RNF216: variants seen among roughly 807,000 people sequenced by gnomAD.
RNF216 encodes the protein E3 ubiquitin-protein ligase RNF216.
In RNF216, 72 loss-of-function variants were observed where a neutral mutation model predicts 110.8. The observed-to-expected ratio is 0.65, with a 90% CI of 0.54 to 0.79. The LOEUF (loss-of-function observed/expected upper bound fraction) is 0.79, where lower values mean the gene tolerates loss of function less well. RNF216 is among the 30% of genes least tolerant of loss of function. The probability of loss-of-function intolerance (pLI) is 0.00; values close to 1 mark genes in which losing one functional copy is unlikely to be tolerated. For synonymous variants in RNF216, 495 were observed against 407.5 expected (o/e 1.21, Z -2.59); for missense variants, 1,342 against 1,141.2 (o/e 1.18, Z -2.54).
chr7:5,718,066 T>G (rs1239086349), intron 9 of RNF216, among the ~76,000 whole-genome samples: 1 of 152,172 alleles, frequency 6.6e-6, no homozygotes, highest in Non-Finnish European at 1.5e-5. Context: ...AACCAAAGAC[T>G]AACAATAATG....
chr7:5,691,029 CCT>C (rs879681117), intron 13 of RNF216, among the ~76,000 whole-genome samples: 5 of 152,198 alleles, frequency 3.3e-5, no homozygotes, highest in Admixed American at 3.3e-4. Flanking sequence ...ACCTTTTCTG[CCT>C]GTCGTCTCTT....
rs1794040852 is a variant in RNF216, at chr7:5,730,779, TTTGGA to T, written c.1155_1159del (p.Tyr385Ter). ...ATTTATAATGATTCTGTCTTCTCTC[TTTGGA>T]TAATCTGGGTTTTCCAGAAGAAAAT... is the stretch of plus-strand genomic sequence containing the variant. On this transcript the variant is annotated stop_gained and frameshift_variant, in exon 6 of 17. Transcript: ENST00000389902. LOFTEE classifies it high-confidence loss of function. The T allele has an allele frequency of 6.2e-7, 1 of 1,609,082 alleles. No homozygotes were observed. The highest frequency in any genetic ancestry group is 1.3e-5 in the African/African-American group (1 of 74,252).
At chr7:5,720,283 C>T (rs1201233104) in intron 9 of RNF216, among the ~76,000 whole-genome samples, 1 of 152,216 alleles carries the variant, frequency 6.6e-6, no homozygotes, top group Non-Finnish European at 1.5e-5. Flanking sequence ...CCTCAGCCTA[C>T]TCAACGTGAA....
chr7:5,625,014 A>G lies in RNF216; in HGVS notation c.2383-889T>C, dbSNP rs148467294. ...TCAGTGACCCACAAAACAGCTGTGC[A>G]GTTTGTGGGACTGAAAGACGATTAA... On this transcript the variant is annotated intron_variant, in intron 15 of 16. Transcript: ENST00000389902. Among the ~76,000 whole-genome samples, 64 of 152,350 alleles carry G rather than the reference A, an allele frequency of 4.2e-4. 5 individuals carry two copies. In the East Asian group the frequency reaches 0.012, roughly 28 times the overall value.
intron 13 of RNF216, among the ~76,000 whole-genome samples, chr7:5,664,308 A>G (rs926376724): frequency 6.6e-6 from 1 of 152,230 alleles, no homozygotes; most frequent in Non-Finnish European, 1.5e-5. Flanking sequence ...TTAATTCATT[A>G]CAGCTTCAGC....
At position 5,740,847 on chromosome 7, in the gene RNF216, G is replaced by A. The variant is rs1794711589; in HGVS notation, c.1044+126C>T. 4.8e-6 allele frequency: 4 copies of A among 838,838 alleles called. No individual in the cohort carries two copies. In the African/African-American group the frequency reaches 5.3e-5, roughly 11 times the overall value. The allele number at this position is 838,838 out of a possible 1,614,324, so 52.0% of individuals were successfully genotyped here. A position where few individuals can be genotyped will look rare whatever the true frequency, so the allele number is the denominator to read the frequency against. On this transcript the variant is annotated intron_variant, in intron 4 of 16. Transcript: ENST00000389902. The stretch of plus-strand genomic sequence containing the variant: ...GTGTCTCTTCTATTCTGTACATCTA[G>A]ATATATACTTCTTAGGAAAATGAAG...
intron 1 of RNF216, among the ~76,000 whole-genome samples, chr7:5,777,115 A>G (rs1796829314): frequency 6.6e-6 from 1 of 152,124 alleles, no homozygotes; most frequent in African/African-American, 2.4e-5. Flanking sequence ...GGAGGGAAAG[A>G]GCCAGTGGAG....
intron 5 of RNF216, among the ~76,000 whole-genome samples, chr7:5,738,378 A>G (rs1291339967): frequency 6.6e-5 from 10 of 152,028 alleles, no homozygotes; most frequent in Admixed American, 5.9e-4. Flanking sequence ...GGTGTGAACC[A>G]TATGTCTGGC....
intron 13 of RNF216, among the ~76,000 whole-genome samples, chr7:5,687,496 AC>A (rs1791070737): frequency 6.6e-6 from 1 of 152,148 alleles, no homozygotes; most frequent in South Asian, 2.1e-4. Flanking sequence ...ACTCACATCT[AC>A]TTTTGGACAA....
At chr7:5,689,530 G>A (rs1320719896) in intron 13 of RNF216, among the ~76,000 whole-genome samples, 1 of 152,028 alleles carries the variant, frequency 6.6e-6, no homozygotes, top group Non-Finnish European at 1.5e-5. Flanking sequence ...AAAACCCTAG[G>A]CTTGTAGTCA....
chr7:5,665,761 T>C (rs1470236082), intron 13 of RNF216, among the ~76,000 whole-genome samples: 2 of 152,100 alleles, frequency 1.3e-5, no homozygotes, highest in Admixed American at 1.3e-4. Flanking sequence ...CCAATTCCCT[T>C]AGTTACTCAA....
chr7:5,709,596 T>C (rs2071507180), intron 13 of RNF216, among the ~76,000 whole-genome samples: 1 of 152,162 alleles, frequency 6.6e-6, no homozygotes, highest in South Asian at 2.1e-4. Flanking sequence ...TACCTTCAAG[T>C]TCAGCAGGCC....
intron 13 of RNF216, among the ~76,000 whole-genome samples, chr7:5,689,841 G>A (rs564318069): frequency 1.3e-5 from 2 of 152,028 alleles, no homozygotes; most frequent in African/African-American, 4.8e-5. Context: ...TTGGGAGGCT[G>A]AGGCAGGAGA....
chr7:5,742,994 G>A (rs2128655543), intron 3 of RNF216, among the ~76,000 whole-genome samples: 1 of 152,274 alleles, frequency 6.6e-6, no homozygotes, highest in African/African-American at 2.4e-5. Flanking sequence ...CAGGCGTGGT[G>A]GCTCATGCCT....
At chr7:5,776,368 G>A (rs1210667596) in intron 1 of RNF216, among the ~76,000 whole-genome samples, 1 of 151,616 alleles carries the variant, frequency 6.6e-6, no homozygotes, top group Admixed American at 6.6e-5. Flanking sequence ...CGGATCACGA[G>A]GTCAGGAGAC....
chr7:5,671,497 G>C (rs1789907385), intron 13 of RNF216, among the ~76,000 whole-genome samples: 1 of 152,058 alleles, frequency 6.6e-6, no homozygotes, highest in African/African-American at 2.4e-5. Context: ...ATTCCAATCT[G>C]ATAGCCTTAT....
At chr7:5,712,996 T>A (rs751680889) in intron 11 of RNF216, 133 bp from the exon 12 acceptor site, 2 of 836,540 alleles carry the variant, frequency 2.4e-6, no homozygotes, top group Non-Finnish European at 3.6e-6. Flanking sequence ...CTCTGAGAAA[T>A]CACACTTAAA....
At chr7:5,637,971 G>A (rs559647364) in intron 15 of RNF216, among the ~76,000 whole-genome samples, 4 of 152,148 alleles carry the variant, frequency 2.6e-5, no homozygotes, top group Non-Finnish European at 4.4e-5. Flanking sequence ...TCAGGCTCCC[G>A]AGCAGCTGGG....
At chr7:5,647,328 C>CTTTTTTT (rs10617479) in intron 14 of RNF216, among the ~76,000 whole-genome samples, 79 of 94,640 alleles carry the variant, frequency 8.3e-4, no homozygotes, top group Non-Finnish European at 1.2e-3. Context: ...TTCTTTCTTT[C>CTTTTTTT]TTTTTTTTTT....
Sources: allele counts gnomAD v4.1 joint callset (sites outside exome capture counted in the v4.1 genomes callset), GRCh38; gene constraint gnomAD v4.1.1; transcripts MANE v1.5; gene names NCBI Gene and HGNC (gene_info 2026-07-23, HGNC 2026-07-21).